The following NOTCH1 variants were observed in gnomAD, a reference collection of about 807,000 sequenced individuals.
NOTCH1 encodes notch receptor 1.
NOTCH1 carries 37 observed loss-of-function variants against 254.8 expected under a neutral mutation model. The ratio of observed to expected loss-of-function variants is 0.15; its 90% confidence interval spans 0.11 to 0.19. The LOEUF is 0.19. Ranked by LOEUF, NOTCH1 falls within the 10% of genes least tolerant of loss-of-function variation. The pLI is 1.00. For missense variants in NOTCH1, 2,972 were observed against 3,708.6 expected (o/e 0.80, Z 5.16); for synonymous variants, 1,731 against 1,618.1 (o/e 1.07, Z -1.68).
At chr9:136,522,271 G>C (rs371772050) in intron 4 of NOTCH1, among the ~76,000 whole-genome samples, 24 of 152,252 alleles carry the variant, frequency 1.6e-4, no homozygotes, top group South Asian at 6.2e-4. Flanking sequence ...GCCACCACGC[G>C]CGGCCGAGAC....
At chr9:136,502,813 C>T (rs1422183012) in intron 27 of NOTCH1, 1 of 563,934 alleles carries the variant, frequency 1.8e-6, no homozygotes, top group South Asian at 2.0e-5. Flanking sequence ...TTTCAAGATA[C>T]AAACTTCAAC....
intron 2 of NOTCH1, among the ~76,000 whole-genome samples, chr9:136,537,373 A>G (rs913275189): frequency 6.6e-6 from 1 of 152,228 alleles, no homozygotes; most frequent in African/African-American, 2.4e-5. Flanking sequence ...AAGACCACCT[A>G]TGGCACAATT....
chr9:136,498,276 T>G (rs1842947974), intron 33 of NOTCH1, among the ~76,000 whole-genome samples: 7 of 141,458 alleles, frequency 4.9e-5, no homozygotes, highest in Admixed American at 7.1e-5. Context: ...GAGGTGGGGG[T>G]GTCTGCACCT....
chr9:136,545,256 G>A lies in NOTCH1; in HGVS notation c.61+470C>T, dbSNP rs1241319397. On this transcript the variant is annotated intron_variant, in intron 1 of 33. Coordinates refer to ENST00000651671, the MANE Select transcript of NOTCH1 (RefSeq NM_017617.5). The surrounding 1 kb of genome is among the most constrained non-coding windows in gnomAD (Gnocchi z 6.8). Reference sequence around the variant, plus strand: ...GCGGGTCAGTGAAGGCGAACGCGGCGCCGCAGAGCCCACACTCCGCGCCCC... The same window carrying A: ...GCGGGTCAGTGAAGGCGAACGCGGCACCGCAGAGCCCACACTCCGCGCCCC... 1.3e-5 allele frequency among the ~76,000 whole-genome samples: 2 copies of A among 152,124 alleles called. No homozygotes were observed. Among genetic ancestry groups the A allele is most frequent in the African/African-American group, 4.8e-5 (2 of 41,430 alleles).
intron 2 of NOTCH1, among the ~76,000 whole-genome samples, chr9:136,539,410 A>G (rs533841839): frequency 1.3e-5 from 2 of 151,950 alleles, no homozygotes; most frequent in African/African-American, 4.8e-5. Flanking sequence ...TTTTTTTGAG[A>G]CAGAGTCTCA....
chr9:136,509,798 C>A lies in NOTCH1; in HGVS notation c.2904G>T (p.Thr968=). ...ANCTDCVDSY[T]CTCPAGFSGI... is the part of the protein sequence containing the mutation. ...CGCTGAAGCCTGCGGGGCAGGTGCACGTGTAGCTGTCCACGCAGTCCGTGC... is the reference window on the plus strand; with the variant it reads ...CGCTGAAGCCTGCGGGGCAGGTGCAAGTGTAGCTGTCCACGCAGTCCGTGC... The change falls in exon 18 of 34, where the codon ACG becomes ACT. Residue 968 remains threonine, a synonymous_variant. Coordinates refer to ENST00000651671, the MANE Select transcript of NOTCH1 (RefSeq NM_017617.5). The A allele has an allele frequency of 6.2e-7, 1 of 1,613,106 alleles. No individual in the cohort carries two copies. The highest frequency in any genetic ancestry group is 8.5e-7 in the Non-Finnish European group (1 of 1,180,010).
intron 16 of NOTCH1, 121 bp from the exon 17 acceptor site, chr9:136,510,926 G>T: frequency 6.9e-7 from 1 of 1,440,740 alleles, no homozygotes; most frequent in Non-Finnish European, 9.5e-7. Context: ...CGTGACCCCA[G>T]GACCATCCCC....
Position 136,515,967 on chromosome 9 carries a change from G to A in NOTCH1, c.1669+14C>T, listed in dbSNP as rs750746639. 3.8e-6 allele frequency: 6 copies of A among 1,598,314 alleles called. No homozygotes were observed. Among genetic ancestry groups the A allele is most frequent in the Non-Finnish European group, 5.1e-6 (6 of 1,171,318 alleles). On this transcript the variant is annotated intron_variant, in intron 10 of 33. Transcript: ENST00000651671. Reference sequence around the variant, plus strand: ...GTCCCCAGTCCCTCCCCGCTGGTGGGCGCCAGCCCGCACCTTCCGTGCACA... The same window carrying A: ...GTCCCCAGTCCCTCCCCGCTGGTGGACGCCAGCCCGCACCTTCCGTGCACA...
At position 136,518,130 on chromosome 9, in the gene NOTCH1, C is replaced by A. The variant is rs568474946; in HGVS notation, c.1255+7G>T. Reference sequence around the variant, plus strand: ...CACCTGGCCGCACCCCCTGTGCTGGCACCTACCCAGCGAGCACTCATCCAC... The same window carrying A: ...CACCTGGCCGCACCCCCTGTGCTGGAACCTACCCAGCGAGCACTCATCCAC... On this transcript the variant is annotated splice_region_variant and intron_variant, in intron 7 of 33. Transcript: ENST00000651671. 1 of 1,581,682 alleles carries A rather than the reference C, an allele frequency of 6.3e-7. No individual in the cohort carries two copies. The highest frequency in any genetic ancestry group is 8.6e-7 in the Non-Finnish European group (1 of 1,165,402).
At chr9:136,544,703 G>A (rs982455902) in intron 1 of NOTCH1, among the ~76,000 whole-genome samples, 1 of 152,158 alleles carries the variant, frequency 6.6e-6, no homozygotes, top group Non-Finnish European at 1.5e-5. Flanking sequence ...GCCTCCAGGG[G>A]CACCGGGACA....
chr9:136,533,763 T>C (rs1354549197), intron 2 of NOTCH1, among the ~76,000 whole-genome samples: 3 of 152,194 alleles, frequency 2.0e-5, no homozygotes, highest in African/African-American at 7.2e-5. Context: ...CAGGGAAAAT[T>C]CTGGGCCAAA....
intron 17 of NOTCH1, 107 bp from the exon 18 acceptor site, chr9:136,510,068 G>T: frequency 9.2e-7 from 1 of 1,085,936 alleles, no homozygotes; most frequent in Non-Finnish European, 1.4e-6. Flanking sequence ...TTTCGTTGCC[G>T]AGGCTGCGGC....
At chr9:136,544,564 G>C (rs1843783487) in intron 1 of NOTCH1, among the ~76,000 whole-genome samples, 1 of 152,136 alleles carries the variant, frequency 6.6e-6, no homozygotes, top group Non-Finnish European at 1.5e-5. Context: ...TGGACGGGGG[G>C]AGGGGGGGTG....
chr9:136,523,033 C>G lies in NOTCH1; in HGVS notation c.559G>C (p.Gly187Arg), dbSNP rs750295442. 1 of 1,553,494 alleles carries G rather than the reference C, an allele frequency of 6.4e-7. No homozygotes were observed. The highest frequency in any genetic ancestry group is 1.4e-5 in the African/African-American group (1 of 73,348). ...QDVNECGQKP[G>R]LCRHGGTCHN... is the part of the protein sequence containing the mutation. The stretch of plus-strand genomic sequence containing the variant: ...CAGGTGCCTCCGTGGCGGCAAAGCC[C>G]GGGCTTCTGGCCACACTCGTTGACA... Residue 187 changes from glycine (G) to arginine (R), a missense_variant, in exon 4 of 34, where the codon GGG becomes CGG. This residue lies in a region of NOTCH1 where 374 missense variants were observed against 496.3 expected (regional missense o/e 0.75). Transcript: ENST00000651671.
rs762733162 is a variant in NOTCH1 at position 136,505,759 on chromosome 9, C to G, written c.4137G>C (p.Thr1379=). 1.9e-6 allele frequency: 3 copies of G among 1,585,632 alleles called. No homozygotes were observed. Among genetic ancestry groups the G allele is most frequent in the Non-Finnish European group, 2.6e-6 (3 of 1,165,076 alleles). The change falls in exon 25 of 34, where the codon ACG becomes ACC. Residue 1379 remains threonine, a synonymous_variant. Coordinates refer to ENST00000651671, the MANE Select transcript of NOTCH1 (RefSeq NM_017617.5). ...TGGCCGGGAACTGGCATTCGGGGCC[C>G]GTGAAGGGGCCCAGGCACAGGCAGG... ...SPTCLCLGPF[T]GPECQFPASS...
In NOTCH1 at chr9:136,515,608, G is replaced by A. The variant is rs886039014; in HGVS notation, c.1778C>T (p.Pro593Leu). 5 of 1,608,978 alleles carry A rather than the reference G, an allele frequency of 3.1e-6. No individual in the cohort carries two copies. Among genetic ancestry groups the A allele is most frequent in the Non-Finnish European group, 4.2e-6 (5 of 1,179,290 alleles). Residue 593 changes from proline to leucine, a missense_variant, in exon 11 of 34, where the codon CCA becomes CTA. By Grantham distance (98) the Pro-to-Leu change is moderately conservative (BLOSUM62 -3). Around this residue, in one of 8 missense-constraint regions of NOTCH1, gnomAD observed 128 missense variants for 193.8 expected, o/e 0.66. Coordinates refer to ENST00000651671, the MANE Select transcript of NOTCH1 (RefSeq NM_017617.5). The stretch of plus-strand genomic sequence containing the variant: ...CTCGCAGTGGTGGCCCGTGTAGCCT[G>A]GGCGGCAGAGGCAGGTGAAGGTGGC... The part of the protein sequence containing the change: ...GVATFTCLCR[P>L]GYTGHHCETN...
Position 136,513,190 on chromosome 9 carries a change from G to A in NOTCH1, c.2354-56C>T. 6.6e-7 allele frequency: 1 copy of A among 1,518,424 alleles called. No homozygotes were observed. The highest frequency in any genetic ancestry group is 9.1e-7 in the Non-Finnish European group (1 of 1,094,942). The allele number at this position is 1,518,424 out of a possible 1,614,324, so 94.1% of individuals were successfully genotyped here. A position where few individuals can be genotyped will look rare whatever the true frequency, so the allele number is the denominator to read the frequency against. ...CCAGCACTCCCAGGCACCTTGGCAG[G>A]GCCCCACAACAGCAGCCCTGGGCCT... On this transcript the variant is annotated intron_variant, in intron 14 of 33. Coordinates refer to ENST00000651671, the MANE Select transcript of NOTCH1 (RefSeq NM_017617.5). This position sits in a 1 kb window ranked among gnomAD's most constrained non-coding sequence, Gnocchi z 4.7.
chr9:136,542,641 T>C (rs1045147728), intron 2 of NOTCH1, among the ~76,000 whole-genome samples: 1 of 141,158 alleles, frequency 7.1e-6, no homozygotes, highest in African/African-American at 2.6e-5. Context: ...ACCTGCTTAA[T>C]TGGCTTCAGT....
rs1250234485 is a variant in NOTCH1 at position 136,505,411 on chromosome 9, C to T, written c.4485G>A (p.Gln1495=). The T allele has an allele frequency of 6.2e-7, 1 of 1,612,808 alleles. No homozygotes were observed. Among genetic ancestry groups the T allele is most frequent in the Non-Finnish European group, 8.5e-7 (1 of 1,179,984 alleles). The change falls in exon 25 of 34, where the codon CAG becomes CAA. Residue 1495 remains glutamine (Q), a synonymous_variant. Transcript: ENST00000651671. Reference sequence around the variant, plus strand: ...GGCCGTCACTGAAGTACTTCCAGCACTGCAGAGACTGCGTGCAGTTCTTCC... The same window carrying T: ...GGCCGTCACTGAAGTACTTCCAGCATTGCAGAGACTGCGTGCAGTTCTTCC... ...DPWKNCTQSL[Q]CWKYFSDGHC...
Sources: allele counts gnomAD v4.1 joint callset (sites outside exome capture counted in the v4.1 genomes callset), GRCh38; gene constraint gnomAD v4.1.1; regional missense constraint gnomAD v4.1.1; non-coding constraint Gnocchi (gnomAD v3.1); transcripts MANE v1.5; gene names NCBI Gene and HGNC (gene_info 2026-07-23, HGNC 2026-07-21).